The following FLVCR2 variants were observed in gnomAD, a reference collection of about 807,000 sequenced individuals.
The protein encoded by FLVCR2 is choline/ethanolamine transporter FLVCR2.
A neutral mutation model predicts 48.9 loss-of-function variants in FLVCR2; 38 were observed. The ratio of observed to expected loss-of-function variants is 0.78; its 90% CI spans 0.60 to 1.02. The LOEUF (loss-of-function observed/expected upper bound fraction) is 1.02. Ranked by LOEUF, FLVCR2 falls within the 50% of genes least tolerant of loss-of-function variation. The pLI is 0.00. For synonymous variants in FLVCR2, 255 were observed against 257.0 expected, an observed-to-expected ratio of 0.99 and a Z score of 0.07; for missense variants, 664 against 663.3, an observed-to-expected ratio of 1.00 and a Z score of -0.01.
chr14:75,586,577 T>C (rs1888754185), intron 1 of FLVCR2, among the ~76,000 whole-genome samples: 1 of 152,168 alleles, frequency 6.6e-6, no homozygotes, highest in Non-Finnish European at 1.5e-5. Context: ...TTTAGAAATT[T>C]TTCATTTAAA....
At chr14:75,602,774 T>C (rs1173270777) in intron 1 of FLVCR2, among the ~76,000 whole-genome samples, 1 of 152,178 alleles carries the variant, frequency 6.6e-6, no homozygotes, top group African/African-American at 2.4e-5. Flanking sequence ...CACAATAGTA[T>C]GAATGTACTT....
intron 1 of FLVCR2, among the ~76,000 whole-genome samples, chr14:75,584,381 C>T (rs1375298233): frequency 6.6e-6 from 1 of 151,708 alleles, no homozygotes; most frequent in Non-Finnish European, 1.5e-5. Context: ...TTTCTAACAT[C>T]AGGAGCTGAC....
At chr14:75,625,869 T>G (rs755971575) in intron 3 of FLVCR2, among the ~76,000 whole-genome samples, 3 of 152,010 alleles carry the variant, frequency 2.0e-5, no homozygotes, top group Non-Finnish European at 2.9e-5. Context: ...ATTATCCCTA[T>G]TTAACAGATG....
intron 9 of FLVCR2, among the ~76,000 whole-genome samples, chr14:75,642,168 C>T (rs1382843603): frequency 6.6e-6 from 1 of 152,238 alleles, no homozygotes; most frequent in Non-Finnish European, 1.5e-5. Flanking sequence ...GAGTGTGTCA[C>T]CGTTGTCACA....
intron 9 of FLVCR2, among the ~76,000 whole-genome samples, chr14:75,645,705 G>A (rs1287019792): frequency 1.3e-5 from 2 of 152,126 alleles, no homozygotes; most frequent in African/African-American, 2.4e-5. Flanking sequence ...ATCACCTGAG[G>A]TCAGGAGTTC....
intron 9 of FLVCR2, among the ~76,000 whole-genome samples, chr14:75,644,232 T>G (rs1890365705): frequency 1.3e-5 from 2 of 152,250 alleles, no homozygotes; most frequent in South Asian, 4.1e-4. Context: ...CCTATAATCC[T>G]GCTTCCCAGA....
intron 5 of FLVCR2, among the ~76,000 whole-genome samples, chr14:75,638,788 G>A (rs1263234992): frequency 6.6e-6 from 1 of 152,202 alleles, no homozygotes; most frequent in African/African-American, 2.4e-5. Context: ...ATCGTAAGAT[G>A]GCTTCATACT....
At chr14:75,600,836 A>G (rs1253068371) in intron 1 of FLVCR2, among the ~76,000 whole-genome samples, 1 of 152,166 alleles carries the variant, frequency 6.6e-6, no homozygotes, top group Non-Finnish European at 1.5e-5. Context: ...ATAAGGAATT[A>G]ATTTCTAGAA....
chr14:75,644,230 C>G (rs1172335876), intron 9 of FLVCR2, among the ~76,000 whole-genome samples: 1 of 152,150 alleles, frequency 6.6e-6, no homozygotes, highest in African/African-American at 2.4e-5. Context: ...CACCTATAAT[C>G]CTGCTTCCCA....
At chr14:75,591,117 C>G (rs1045769057) in intron 1 of FLVCR2, among the ~76,000 whole-genome samples, 8 of 152,214 alleles carry the variant, frequency 5.3e-5, no homozygotes, top group African/African-American at 1.9e-4. Context: ...GTTCTTGGCT[C>G]ACTGCAATTT....
At chr14:75,599,957 C>G (rs1311969907) in intron 1 of FLVCR2, among the ~76,000 whole-genome samples, 1 of 152,150 alleles carries the variant, frequency 6.6e-6, no homozygotes, top group African/African-American at 2.4e-5. Context: ...GCGACTCCAT[C>G]TTGAATAGGG....
chr14:75,610,988 AATATTTCC>A (rs1473894395), intron 1 of FLVCR2, among the ~76,000 whole-genome samples: 1 of 152,216 alleles, frequency 6.6e-6, no homozygotes, highest in Non-Finnish European at 1.5e-5. Flanking sequence ...TCACTCAGAA[AATATTTCC>A]TGAGTGCTGT....
intron 1 of FLVCR2, among the ~76,000 whole-genome samples, chr14:75,581,843 G>A (rs1476637782): frequency 6.6e-6 from 1 of 152,180 alleles, no homozygotes; most frequent in African/African-American, 2.4e-5. Context: ...ATTTCCTTTA[G>A]GATAGATTTC....
At chr14:75,607,550 C>T (rs1201908125) in intron 1 of FLVCR2, among the ~76,000 whole-genome samples, 1 of 152,048 alleles carries the variant, frequency 6.6e-6, no homozygotes, top group Non-Finnish European at 1.5e-5. Context: ...TCAGAAGTCT[C>T]GATGTTGATG....
chr14:75,619,301 C>T (rs980795452), intron 1 of FLVCR2, among the ~76,000 whole-genome samples: 12 of 152,040 alleles, frequency 7.9e-5, no homozygotes, highest in African/African-American at 1.4e-4. Flanking sequence ...ATTACATATT[C>T]GGCGCATAGT....
chr14:75,586,604 A>G (rs1888754719), intron 1 of FLVCR2, among the ~76,000 whole-genome samples: 1 of 152,088 alleles, frequency 6.6e-6, no homozygotes, highest in Admixed American at 6.6e-5. Context: ...ACTTTACAAA[A>G]CTTCTCTAAA....
At chr14:75,624,271 G>T (rs751210030) in intron 2 of FLVCR2, among the ~76,000 whole-genome samples, 1 of 151,822 alleles carries the variant, frequency 6.6e-6, no homozygotes, top group Non-Finnish European at 1.5e-5. Context: ...GCCGAGATGG[G>T]AGAATTGCTT....
rs1010781335 is a variant in FLVCR2, at chr14:75,639,541, A to G, written c.1235+79A>G. On this transcript the variant is annotated intron_variant, in intron 6 of 9. Transcript: ENST00000238667. ...AGCTTCCAGCATCCTAGAATGCAAT[A>G]TTGATGCCTTTGCTGCCTTCTAACT... The G allele has an allele frequency of 1.4e-4, 137 of 990,124 alleles. 1 individual carries two copies. In the Admixed American group the frequency reaches 1.9e-3, roughly 14 times the overall value. The allele number at this position is 990,124 out of a possible 1,614,324, so 61.3% of individuals were successfully genotyped here.
At chr14:75,611,398 G>A (rs766502260) in intron 1 of FLVCR2, among the ~76,000 whole-genome samples, 11 of 152,192 alleles carry the variant, frequency 7.2e-5, no homozygotes, top group Non-Finnish European at 1.3e-4. Context: ...AGGAGAAGCT[G>A]TTTTGACCTT....
Sources: gnomAD v4.1 joint callset for allele counts (sites outside exome capture counted in the v4.1 genomes callset) on GRCh38, gnomAD v4.1.1 for gene constraint, MANE v1.5 for transcripts, NCBI Gene and HGNC (gene_info 2026-07-23, HGNC 2026-07-21) for gene names.